The following PKP4 variants were observed in gnomAD, a reference collection of about 807,000 sequenced individuals.
The protein encoded by PKP4 is plakophilin 4, also known as plakophilin-4.
Under a neutral mutation model 145.1 loss-of-function variants are expected in PKP4, and 90 were observed. That is an observed-to-expected ratio of 0.62 (90% CI 0.52 to 0.74). The LOEUF is 0.74. Ranked by LOEUF, PKP4 falls within the 30% of genes least tolerant of loss-of-function variation. The probability of loss-of-function intolerance (pLI) is 0.00; values close to 1 mark genes in which losing one functional copy is unlikely to be tolerated. For synonymous variants in PKP4, 563 were observed against 577.2 expected (o/e 0.98, Z 0.35); for missense variants, 1,340 against 1,482.7 (o/e 0.90, Z 1.58).
rs199647676 is a variant in PKP4 at position 158,680,589 on chromosome 2, C to T, written c.3491C>T (p.Ser1164Leu). ...TDYSTQYGLK[S>L]TTNYVDFYST... is the part of the protein sequence containing the mutation. ...TACTCAACACAGTATGGACTGAAAT[C>T]GACCACAAATTATGTAGACTTTTAT... The change falls in exon 22 of 22, where the codon TCG becomes TTG. Residue 1164 changes from serine to leucine, a missense_variant. Ser to Leu is a moderately radical substitution (Grantham distance 145). Transcript: ENST00000389759. 15 of 1,613,880 alleles carry T rather than the reference C, an allele frequency of 9.3e-6. No homozygotes were observed. In the East Asian group the frequency reaches 1.6e-4, roughly 17 times the overall value.
chr2:158,477,419 T>G (rs1303234045), intron 1 of PKP4, among the ~76,000 whole-genome samples: 1 of 152,192 alleles, frequency 6.6e-6, no homozygotes, highest in South Asian at 2.1e-4. Flanking sequence ...CCAACTCAGC[T>G]GGAGGTGTGC....
chr2:158,548,894 T>G (rs1454794434), intron 2 of PKP4: 1 of 188,224 alleles, frequency 5.3e-6, no homozygotes, highest in Non-Finnish European at 1.1e-5. Context: ...CTGGTGGTGA[T>G]CGCACATGAC....
chr2:158,533,584 A>G, intron 2 of PKP4: 2 of 537,114 alleles, frequency 3.7e-6, no homozygotes, highest in East Asian at 4.6e-5. Flanking sequence ...CCCACATTGC[A>G]GAGTGTGTGC....
intron 1 of PKP4, among the ~76,000 whole-genome samples, chr2:158,487,183 C>T (rs1159904535): frequency 1.3e-5 from 2 of 151,948 alleles, no homozygotes; most frequent in South Asian, 2.1e-4. Context: ...CAGCTTCGTG[C>T]GATAGTTAAA....
At chr2:158,646,157 C>T (rs554262958) in intron 11 of PKP4, among the ~76,000 whole-genome samples, 55 of 152,198 alleles carry the variant, frequency 3.6e-4, no homozygotes, top group African/African-American at 1.3e-3. Context: ...AAATATCTGC[C>T]GGTAGCTTTT....
chr2:158,678,551 G>A, intron 20 of PKP4, 30 bp from the exon 21 acceptor site: 1 of 1,518,472 alleles, frequency 6.6e-7, no homozygotes, highest in Non-Finnish European at 9.2e-7. Flanking sequence ...ATAAGCACTA[G>A]TTTTAATTTC....
intron 2 of PKP4, among the ~76,000 whole-genome samples, chr2:158,546,050 G>C (rs1230428953): frequency 6.6e-6 from 1 of 152,068 alleles, no homozygotes; most frequent in Non-Finnish European, 1.5e-5. Context: ...TTGACATTTG[G>C]ATACTGCCCA....
chr2:158,463,183 G>A (rs1690041985), intron 1 of PKP4, among the ~76,000 whole-genome samples: 1 of 152,188 alleles, frequency 6.6e-6, no homozygotes. Context: ...GCTTCTTGCG[G>A]TAGGCAATAC....
chr2:158,664,910 T>G (rs557237893), intron 15 of PKP4, among the ~76,000 whole-genome samples: 1 of 151,118 alleles, frequency 6.6e-6, no homozygotes, highest in Non-Finnish European at 1.5e-5. Flanking sequence ...AGCGTTCACC[T>G]TCAGCTTCTG....
At chr2:158,558,020 G>T (rs1356053979) in intron 2 of PKP4, among the ~76,000 whole-genome samples, 1 of 152,200 alleles carries the variant, frequency 6.6e-6, no homozygotes, top group Non-Finnish European at 1.5e-5. Context: ...CCACATAGTT[G>T]TTACTTGAAG....
Position 158,680,686 on chromosome 2 carries a change from T to A in PKP4, c.*9T>A, listed in dbSNP as rs767102456. The A allele has an allele frequency of 3.1e-6, 5 of 1,596,854 alleles. No individual in the cohort carries two copies. In the African/African-American group the frequency reaches 5.4e-5, roughly 17 times the overall value. On this transcript the variant is annotated 3_prime_UTR_variant, in exon 22 of 22. Transcript: ENST00000389759. The stretch of plus-strand genomic sequence containing the variant: ...CAGACTCATGGGTGTAGCATCAAGA[T>A]GCCCAACAGAGGAACTCTTTCTTTC...
rs1575078160 is a variant in PKP4 at position 158,666,417 on chromosome 2, C to T, written c.2582C>T (p.Ala861Val). ...QNLSAGNWKF[A>V]AYIRAAVRKE... ...CTGCCTTATTTTTCTCACTAGTTTG[C>T]AGCATATATCCGGGCGGCCGTCCGA... Residue 861 changes from alanine to valine, a missense_variant, in exon 16 of 22, where the codon GCA (alanine) becomes GTA (valine). Physicochemically the swap from Ala to Val is moderately conservative, Grantham distance 64. Transcript: ENST00000389759. 1 of 1,594,302 alleles carries T rather than the reference C, an allele frequency of 6.3e-7. No homozygotes were observed. The highest frequency in any genetic ancestry group is 8.5e-7 in the Non-Finnish European group (1 of 1,172,984).
chr2:158,510,849 C>T (rs1353767311), intron 1 of PKP4, among the ~76,000 whole-genome samples: 1 of 152,244 alleles, frequency 6.6e-6, no homozygotes, highest in East Asian at 1.9e-4. Flanking sequence ...TGGGGACAAG[C>T]AGATGCAGAG....
chr2:158,589,667 G>A (rs571522141), intron 3 of PKP4, among the ~76,000 whole-genome samples: 2 of 152,208 alleles, frequency 1.3e-5, no homozygotes, highest in East Asian at 1.9e-4. Flanking sequence ...TGTACTTAGC[G>A]CAGTTAACTA....
chr2:158,585,575 A>G (rs1270135865), intron 3 of PKP4, among the ~76,000 whole-genome samples: 1 of 152,228 alleles, frequency 6.6e-6, no homozygotes. Flanking sequence ...TCAATGAGAA[A>G]TCAACCTCTT....
At chr2:158,467,581 C>T (rs1217978805) in intron 1 of PKP4, among the ~76,000 whole-genome samples, 3 of 150,600 alleles carry the variant, frequency 2.0e-5, no homozygotes, top group African/African-American at 7.3e-5. Context: ...CACGGTGGCT[C>T]GCTCCTGTAA....
At chr2:158,499,325 C>T (rs1051201153) in intron 1 of PKP4, among the ~76,000 whole-genome samples, 1 of 152,124 alleles carries the variant, frequency 6.6e-6, no homozygotes, top group Non-Finnish European at 1.5e-5. Context: ...CCCCCCAACC[C>T]TGAACCCAGA....
At chr2:158,511,445 A>C (rs1559246330) in intron 1 of PKP4, among the ~76,000 whole-genome samples, 1 of 152,198 alleles carries the variant, frequency 6.6e-6, no homozygotes, top group Non-Finnish European at 1.5e-5. Flanking sequence ...TATGTATCAA[A>C]AGTGTGATTT....
At chr2:158,608,396 A>G (rs1244145711) in intron 4 of PKP4, among the ~76,000 whole-genome samples, 3 of 152,178 alleles carry the variant, frequency 2.0e-5, no homozygotes, top group African/African-American at 7.2e-5. Context: ...TGTTGTCCAA[A>G]TAGCTCCTCA....
Sources: allele counts gnomAD v4.1 joint callset (sites outside exome capture counted in the v4.1 genomes callset), GRCh38; gene constraint gnomAD v4.1.1; transcripts MANE v1.5; gene names NCBI Gene and HGNC (gene_info 2026-07-23, HGNC 2026-07-21).